Variants in STXBP6 observed in about 807,000 individuals in gnomAD.
STXBP6 encodes syntaxin binding protein 6.
Under a neutral mutation model 26.9 loss-of-function variants are expected in STXBP6, and 21 were observed. The observed-to-expected ratio is 0.78, with a 90% CI of 0.55 to 1.12. STXBP6 has a LOEUF of 1.12. STXBP6 is among the 50% of genes most tolerant of loss of function. STXBP6 has a pLI of 0.00. For synonymous variants in STXBP6, 97 were observed against 92.6 expected (o/e 1.05, Z -0.27); for missense variants, 232 against 257.9 (o/e 0.90, Z 0.69).
intron 1 of STXBP6, among the ~76,000 whole-genome samples, chr14:25,013,466 T>TCA (rs3219652): frequency 0.096 from 13,732 of 143,176 alleles, 622 homozygotes; most frequent in African/African-American, 0.12. Context: ...CATCTCTCTT[T>TCA]CACACACACA....
intron 1 of STXBP6, among the ~76,000 whole-genome samples, chr14:25,023,715 G>T (rs919055374): frequency 2.0e-5 from 3 of 152,114 alleles, no homozygotes; most frequent in Middle Eastern, 3.2e-3. Context: ...ACAATCACTT[G>T]AGCCAAGAAG....
At chr14:25,048,405 C>A (rs987957838) in intron 1 of STXBP6, among the ~76,000 whole-genome samples, 4 of 152,226 alleles carry the variant, frequency 2.6e-5, no homozygotes, top group African/African-American at 9.6e-5. Context: ...AGCTGTAAAG[C>A]TGAAACTTGA....
intron 2 of STXBP6, chr14:24,878,850 CAG>C (rs1274983380): frequency 2.3e-6 from 1 of 442,820 alleles, no homozygotes; most frequent in African/African-American, 2.0e-5. Flanking sequence ...TGCAAATTAA[CAG>C]GGAGCTATTA....
At chr14:24,915,141 T>C (rs2071717013) in intron 2 of STXBP6, among the ~76,000 whole-genome samples, 1 of 152,230 alleles carries the variant, frequency 6.6e-6, no homozygotes, top group African/African-American at 2.4e-5. Flanking sequence ...GGTCAGACTT[T>C]GTGCTCTCAG....
chr14:25,018,108 C>T (rs1479686049), intron 1 of STXBP6, among the ~76,000 whole-genome samples: 1 of 152,180 alleles, frequency 6.6e-6, no homozygotes, highest in African/African-American at 2.4e-5. Context: ...GTCTTCCTTT[C>T]TGTTCTATCA....
intron 4 of STXBP6, among the ~76,000 whole-genome samples, chr14:24,824,477 G>A (rs545828113): frequency 2.0e-5 from 3 of 152,220 alleles, no homozygotes; most frequent in African/African-American, 7.2e-5. Context: ...AAGCCTACCC[G>A]GTGATAGAAG....
intron 1 of STXBP6, among the ~76,000 whole-genome samples, chr14:24,998,800 C>A (rs1389118338): frequency 6.6e-6 from 1 of 152,038 alleles, no homozygotes; most frequent in Non-Finnish European, 1.5e-5. Flanking sequence ...TATTATTTTA[C>A]CATACATAAA....
At chr14:24,921,756 C>T (rs2071986034) in intron 2 of STXBP6, among the ~76,000 whole-genome samples, 1 of 151,988 alleles carries the variant, frequency 6.6e-6, no homozygotes, top group Non-Finnish European at 1.5e-5. Context: ...GGAAATTGTC[C>T]CCCTCTGCCT....
chr14:25,045,985 G>C (rs1022277852), intron 1 of STXBP6, among the ~76,000 whole-genome samples: 6 of 152,246 alleles, frequency 3.9e-5, no homozygotes, highest in African/African-American at 1.4e-4. Flanking sequence ...ATGAGCTAGT[G>C]CAGTATAACT....
rs565417751 is a variant in STXBP6 at position 24,962,943 on chromosome 14, C to T, written c.154+11722G>A. On this transcript the variant is annotated intron_variant, in intron 2 of 5. Transcript: ENST00000323944. ...ATCAAATATTGTATGGTACTCAAGG[C>T]GACATTAAAATTATCTTTATAATAA... 7.1e-4 allele frequency among the ~76,000 whole-genome samples: 106 copies of T among 150,102 alleles called. 3 individuals carry two copies. The South Asian group carries it at 0.019, about 27-fold the overall frequency.
chr14:24,840,683 T>A (rs926911680), intron 4 of STXBP6, among the ~76,000 whole-genome samples: 1 of 152,218 alleles, frequency 6.6e-6, no homozygotes, highest in Non-Finnish European at 1.5e-5. Flanking sequence ...CTTCCCCACA[T>A]ACAGGAGTTT....
At chr14:25,004,810 T>A (rs1388523215) in intron 1 of STXBP6, among the ~76,000 whole-genome samples, 1 of 151,874 alleles carries the variant, frequency 6.6e-6, no homozygotes, top group East Asian at 1.9e-4. Context: ...TACTGGGGAG[T>A]GCGCAGCAAG....
chr14:24,819,091 C>T lies in STXBP6; in HGVS notation c.555G>A (p.Glu185=). The T allele has an allele frequency of 1.2e-6, 2 of 1,613,738 alleles. No individual in the cohort carries two copies. The highest frequency in any genetic ancestry group is 1.7e-6 in the Non-Finnish European group (2 of 1,179,710). Residue 185 remains glutamate, a synonymous_variant, in exon 5 of 6, where the codon GAG becomes GAA. Coordinates refer to ENST00000323944, the MANE Select transcript of STXBP6 (RefSeq NM_001394410.1). The part of the protein sequence containing the change: ...ERGERLGRAE[E]KTEDLKNSAQ... Reference sequence around the variant, plus strand: ...CGCTGTTCTTCAGGTCTTCTGTCTTCTCCTCTGCTCGGCCTAATCGCTCTC... The same window carrying T: ...CGCTGTTCTTCAGGTCTTCTGTCTTTTCCTCTGCTCGGCCTAATCGCTCTC...
chr14:24,910,929 T>C (rs968185483), intron 2 of STXBP6, among the ~76,000 whole-genome samples: 40 of 152,194 alleles, frequency 2.6e-4, no homozygotes, highest in African/African-American at 9.2e-4. Context: ...GGTGGTGGTA[T>C]GGTTTTAGCT....
intron 1 of STXBP6, among the ~76,000 whole-genome samples, chr14:25,012,619 A>G (rs2075056744): frequency 6.6e-6 from 1 of 152,178 alleles, no homozygotes; most frequent in Non-Finnish European, 1.5e-5. Flanking sequence ...AAAACAAACA[A>G]ACAAACAAAA....
Position 24,974,857 on chromosome 14 carries a change from A to C in STXBP6, c.-32-7T>G, listed in dbSNP as rs745317804. On this transcript the variant is annotated splice_region_variant and splice_polypyrimidine_tract_variant and intron_variant, in intron 1 of 5. Transcript: ENST00000323944. Reference sequence around the variant, plus strand: ...AGGACAGCACGCAGTGAATCTTTTAAAGAAGGAAAAGAAAGGAAAGTTGGA... The same window carrying C: ...AGGACAGCACGCAGTGAATCTTTTACAGAAGGAAAAGAAAGGAAAGTTGGA... 19 of 1,509,266 alleles carry C rather than the reference A, an allele frequency of 1.3e-5. No homozygotes were observed. The highest frequency in any genetic ancestry group is 1.8e-6 in the Non-Finnish European group (2 of 1,119,442). The allele number at this position is 1,509,266 out of a possible 1,614,324, so 93.5% of individuals were successfully genotyped here.
At chr14:24,897,371 C>T (rs1436703205) in intron 2 of STXBP6, among the ~76,000 whole-genome samples, 12 of 135,942 alleles carry the variant, frequency 8.8e-5, no homozygotes, top group Admixed American at 1.6e-4. Context: ...GATCGCGCCA[C>T]TGCACTCCAG....
At chr14:25,037,141 C>T (rs999184274) in intron 1 of STXBP6, among the ~76,000 whole-genome samples, 4 of 152,096 alleles carry the variant, frequency 2.6e-5, no homozygotes, top group Admixed American at 1.3e-4. Context: ...TCAGCAGGAC[C>T]GCAGGAACCA....
At chr14:25,014,380 G>A (rs1009115347) in intron 1 of STXBP6, among the ~76,000 whole-genome samples, 2 of 152,110 alleles carry the variant, frequency 1.3e-5, no homozygotes, top group African/African-American at 2.4e-5. Flanking sequence ...CAGGAGAGTC[G>A]CTTGAACCTG....
Sources: allele counts gnomAD v4.1 joint callset (sites outside exome capture counted in the v4.1 genomes callset), GRCh38; gene constraint gnomAD v4.1.1; transcripts MANE v1.5; gene names NCBI Gene and HGNC (gene_info 2026-07-23, HGNC 2026-07-21).